DLGAP2: variants seen among roughly 807,000 people sequenced by gnomAD.
DLGAP2 encodes DLG associated protein 2, also known as disks large-associated protein 2.
DLGAP2 carries 26 observed loss-of-function variants against 100.3 expected under a neutral mutation model. The ratio of observed to expected loss-of-function variants is 0.26; its 90% CI spans 0.19 to 0.36. DLGAP2 has a LOEUF of 0.36. DLGAP2 is among the 10% of genes least tolerant of loss of function. The pLI, the probability that DLGAP2 is intolerant of heterozygous loss-of-function variation, is 1.00. For synonymous variants in DLGAP2, 886 were observed against 630.1 expected (o/e 1.41, Z -6.08); for missense variants, 1,858 against 1,453.2 (o/e 1.28, Z -4.53).
intron 3 of DLGAP2, among the ~76,000 whole-genome samples, chr8:1,329,610 G>C (rs1418968959): frequency 6.6e-6 from 1 of 152,166 alleles, no homozygotes; most frequent in Non-Finnish European, 1.5e-5. Context: ...TTCTGTGCCG[G>C]GTCCTGGGGT....
chr8:823,591 C>G (rs1796628939), intron 1 of DLGAP2, among the ~76,000 whole-genome samples: 1 of 152,014 alleles, frequency 6.6e-6, no homozygotes, highest in South Asian at 2.1e-4. Flanking sequence ...CAGGAGACCC[C>G]CAAGAGCTCT....
chr8:1,055,984 T>A (rs1007578448), intron 2 of DLGAP2, among the ~76,000 whole-genome samples: 2 of 152,044 alleles, frequency 1.3e-5, no homozygotes, highest in Non-Finnish European at 2.9e-5. Context: ...CTGGGGGGTG[T>A]TGAGATGCAG....
At chr8:1,340,962 C>A (rs1369770675) in intron 3 of DLGAP2, among the ~76,000 whole-genome samples, 2 of 152,058 alleles carry the variant, frequency 1.3e-5, no homozygotes, top group Non-Finnish European at 2.9e-5. Flanking sequence ...GGCCATTATC[C>A]CTAGCAAACT....
At chr8:1,374,708 T>C (rs1585312595) in intron 3 of DLGAP2, among the ~76,000 whole-genome samples, 1 of 152,350 alleles carries the variant, frequency 6.6e-6, no homozygotes, top group South Asian at 2.1e-4. Flanking sequence ...TTTTTGACTT[T>C]GTTTTACTTT....
intron 4 of DLGAP2, among the ~76,000 whole-genome samples, chr8:1,517,388 G>A (rs1445849108): frequency 6.6e-6 from 1 of 152,098 alleles, no homozygotes; most frequent in South Asian, 2.1e-4. Context: ...GGGCCGTGGT[G>A]AGGGGCACCC....
chr8:1,462,638 C>T (rs1798493053), intron 3 of DLGAP2, among the ~76,000 whole-genome samples: 1 of 152,184 alleles, frequency 6.6e-6, no homozygotes, highest in Non-Finnish European at 1.5e-5. Flanking sequence ...TCCTCCCGCA[C>T]TCGGTCATCC....
chr8:1,134,505 G>A (rs1463177283), intron 2 of DLGAP2, among the ~76,000 whole-genome samples: 1 of 31,168 alleles, frequency 3.2e-5, no homozygotes, highest in Non-Finnish European at 7.5e-5. Context: ...GTTATTTTTT[G>A]AGTTTTAGTA....
rs145264688 is a variant in DLGAP2, at chr8:834,450, A to G, written c.19-73462A>G. Among the ~76,000 whole-genome samples the G allele has an allele frequency of 4.7e-4, 71 of 152,360 alleles. 2 individuals carry two copies. The East Asian group carries it at 0.014, about 29-fold the overall frequency. ...TGCGCCTGCGTTCCTCAGTGCCACA[A>G]GCACATCATTCAGGACATTTTTGAT... is the stretch of plus-strand genomic sequence containing the variant. On this transcript the variant is annotated intron_variant, in intron 1 of 14. Coordinates refer to ENST00000637795, the MANE Select transcript of DLGAP2 (RefSeq NM_001346810.2).
Position 1,268,233 on chromosome 8 carries a change from C to T in DLGAP2, c.106+9350C>T, listed in dbSNP as rs577356889. 9.9e-4 allele frequency among the ~76,000 whole-genome samples: 150 copies of T among 152,194 alleles called. 1 individual carries two copies. The highest frequency in any genetic ancestry group is 3.5e-3 in the African/African-American group (144 of 41,508). On this transcript the variant is annotated intron_variant, in intron 3 of 14. Transcript: ENST00000637795. ...TACATAAATATTTTATATTTTTGGT[C>T]ACTGGGTAATTTAAACATCAGGCCG...
At position 1,701,538 on chromosome 8, in the gene DLGAP2, G is replaced by A. The variant is rs1799571680; in HGVS notation, c.*132G>A. 1 of 976,270 alleles carries A rather than the reference G, an allele frequency of 1.0e-6. No homozygotes were observed. Among genetic ancestry groups the A allele is most frequent in the Non-Finnish European group, 1.5e-6 (1 of 681,946 alleles). The allele number at this position is 976,270 out of a possible 1,614,324, so 60.5% of individuals were successfully genotyped here. A position where few individuals can be genotyped will look rare whatever the true frequency, so the allele number is the denominator to read the frequency against. On this transcript the variant is annotated 3_prime_UTR_variant, in exon 15 of 15. Coordinates refer to ENST00000637795, the MANE Select transcript of DLGAP2 (RefSeq NM_001346810.2). ...TCGCTCCCGCGCTCCCCGCGCCCCGGACACAGCGGGACGCGGCCGGCGGCC... is the reference window on the plus strand; with the variant it reads ...TCGCTCCCGCGCTCCCCGCGCCCCGAACACAGCGGGACGCGGCCGGCGGCC...
chr8:1,433,049 T>A (rs1797500520), intron 3 of DLGAP2, among the ~76,000 whole-genome samples: 1 of 152,152 alleles, frequency 6.6e-6, no homozygotes, highest in African/African-American at 2.4e-5. Flanking sequence ...TCTGCCAAGT[T>A]TTAGTCCCAG....
intron 12 of DLGAP2, chr8:1,680,428 T>A (rs1308848373): frequency 6.6e-6 from 1 of 152,228 alleles, no homozygotes; most frequent in African/African-American, 2.4e-5. Flanking sequence ...GCGTGCTGAT[T>A]TTTTATTGTT....
chr8:1,242,454 C>A (rs1220190602), intron 2 of DLGAP2, among the ~76,000 whole-genome samples: 1 of 152,232 alleles, frequency 6.6e-6, no homozygotes, highest in Non-Finnish European at 1.5e-5. Context: ...GGCCACGGAC[C>A]TTGTTCACTT....
chr8:788,031 G>T (rs1020698173), intron 1 of DLGAP2, among the ~76,000 whole-genome samples: 2 of 150,028 alleles, frequency 1.3e-5, no homozygotes, highest in African/African-American at 5.0e-5. Context: ...GTGGCCACAG[G>T]GGTCTGCCCT....
At chr8:1,503,332 T>C (rs1193982170) in intron 4 of DLGAP2, among the ~76,000 whole-genome samples, 1 of 151,446 alleles carries the variant, frequency 6.6e-6, no homozygotes. Flanking sequence ...TTTCTGTCTC[T>C]GAAACTGACT....
At chr8:1,315,393 A>G (rs1274831078) in intron 3 of DLGAP2, among the ~76,000 whole-genome samples, 3 of 143,050 alleles carry the variant, frequency 2.1e-5, no homozygotes, top group African/African-American at 8.2e-5. Flanking sequence ...ACAGTGGTCT[A>G]CACTCGAGAA....
At chr8:995,212 T>C (rs1406426553) in intron 2 of DLGAP2, among the ~76,000 whole-genome samples, 1 of 152,214 alleles carries the variant, frequency 6.6e-6, no homozygotes, top group Non-Finnish European at 1.5e-5. Flanking sequence ...CACATTACCG[T>C]ATAAAACAAC....
intron 6 of DLGAP2, among the ~76,000 whole-genome samples, chr8:1,590,838 G>T (rs1796268521): frequency 6.6e-6 from 1 of 152,130 alleles, no homozygotes; most frequent in Non-Finnish European, 1.5e-5. Context: ...TTGCATCCCT[G>T]AGCCCCACCC....
intron 3 of DLGAP2, among the ~76,000 whole-genome samples, chr8:1,337,444 A>G (rs201684936): frequency 2.9e-5 from 4 of 136,136 alleles, no homozygotes; most frequent in Non-Finnish European, 4.9e-5. Flanking sequence ...GATGATGATG[A>G]TGGTGATGAT....
Sources: gnomAD v4.1 joint callset for allele counts (sites outside exome capture counted in the v4.1 genomes callset) on GRCh38, gnomAD v4.1.1 for gene constraint, MANE v1.5 for transcripts, NCBI Gene and HGNC (gene_info 2026-07-23, HGNC 2026-07-21) for gene names.